OR52I2: variants seen among roughly 807,000 people sequenced by gnomAD.
The protein encoded by OR52I2 is olfactory receptor family 52 subfamily I member 2.
For synonymous variants in OR52I2, 147 were observed against 151.9 expected (o/e 0.97, Z 0.24); for missense variants, 350 against 402.4 (o/e 0.87, Z 1.11).
At chr11:4,586,997 G>A (rs1232526805) in exon 2 of OR52I2, 7 of 1,614,010 alleles carry the variant, frequency 4.3e-6, no homozygotes, top group Non-Finnish European at 5.9e-6. Flanking sequence ...ATCTCACTGA[G>A]TGCCATGTAC....
exon 2 of OR52I2, chr11:4,593,245 G>A (rs1389320934): frequency 2.0e-5 from 3 of 152,302 alleles, no homozygotes; most frequent in African/African-American, 7.3e-5. Flanking sequence ...GGGGAGGGGG[G>A]GTCATCTATA....
intron 1 of OR52I2, 32 bp from the exon 2 acceptor site, chr11:4,586,840 A>G (rs1333540792): frequency 6.2e-7 from 1 of 1,614,018 alleles, no homozygotes; most frequent in Admixed American, 1.7e-5. Flanking sequence ...ACGGGATTGC[A>G]TTCTTCTCAT....
At chr11:4,588,065 T>TGAATCAGA (rs1846322206) in exon 2 of OR52I2, 1 of 586,710 alleles carries the variant, frequency 1.7e-6, no homozygotes, top group East Asian at 2.8e-5. Flanking sequence ...AACTTGTATC[T>TGAATCAGA]GAATCAGAGA....
chr11:4,584,543 AAG>A (rs1239881798), intron 1 of OR52I2, among the ~76,000 whole-genome samples: 4 of 152,310 alleles, frequency 2.6e-5, no homozygotes, highest in African/African-American at 9.6e-5. Flanking sequence ...TCAGTTTGGC[AAG>A]AGTTGTTATA....
At position 4,584,366 on chromosome 11, in the gene OR52I2, A is replaced by G. The variant is rs532855422; in HGVS notation, c.-20+2502A>G. Among the ~76,000 whole-genome samples, 207 of 152,338 alleles carry G rather than the reference A, an allele frequency of 1.4e-3. 1 individual carries two copies. Among genetic ancestry groups the G allele is most frequent in the Non-Finnish European group, 2.6e-3 (178 of 68,024 alleles). ...AGAAAAGAGATCACGTGTCCTTAACATATTCTAGTCCATTCTTGGCATCTG... is the reference window on the plus strand; with the variant it reads ...AGAAAAGAGATCACGTGTCCTTAACGTATTCTAGTCCATTCTTGGCATCTG... On this transcript the variant is annotated intron_variant, in intron 1 of 1. Transcript: ENST00000641896.
chr11:4,587,979 A>G, exon 2 of OR52I2: 1 of 851,136 alleles, frequency 1.2e-6, no homozygotes. Flanking sequence ...ATATCCTTGC[A>G]TAACTTTTCA....
chr11:4,584,097 T>C (rs1337827731), intron 1 of OR52I2, among the ~76,000 whole-genome samples: 1 of 152,124 alleles, frequency 6.6e-6, no homozygotes, highest in Non-Finnish European at 1.5e-5. Context: ...TATACAAGGG[T>C]AGGGATATGG....
At chr11:4,588,943 G>C (rs1300010302) in exon 2 of OR52I2, 1 of 152,200 alleles carries the variant, frequency 6.6e-6, no homozygotes, top group Non-Finnish European at 1.5e-5. Context: ...CATTTGTTAT[G>C]ATGCCTGGCA....
At chr11:4,585,945 A>T (rs575145901) in intron 1 of OR52I2, among the ~76,000 whole-genome samples, 10 of 152,292 alleles carry the variant, frequency 6.6e-5, no homozygotes, top group African/African-American at 2.4e-4. Flanking sequence ...TAAAGTGCCT[A>T]ACTTTCTAAA....
chr11:4,587,840 T>TTGG, exon 2 of OR52I2: 1 of 1,613,974 alleles, frequency 6.2e-7, no homozygotes, highest in African/African-American at 1.3e-5. Flanking sequence ...CATGTCCTCT[T>TTGG]TGACCATTCC....
intron 1 of OR52I2, among the ~76,000 whole-genome samples, chr11:4,585,545 A>T (rs181653464): frequency 0.041 from 6,255 of 152,258 alleles, 149 homozygotes; most frequent in Middle Eastern, 0.071. Context: ...ACATTATATG[A>T]TATGGTAACA....
intron 1 of OR52I2, among the ~76,000 whole-genome samples, chr11:4,582,917 C>T: frequency 6.6e-6 from 1 of 152,114 alleles, no homozygotes; most frequent in East Asian, 1.9e-4. Flanking sequence ...TTGATTTGTT[C>T]CTACATAGGT....
exon 2 of OR52I2, chr11:4,591,998 TG>T (rs768985411): frequency 2.0e-5 from 3 of 152,310 alleles, no homozygotes; most frequent in East Asian, 3.9e-4. Flanking sequence ...TGGCAACTCA[TG>T]GGAGGACAAG....
exon 2 of OR52I2, chr11:4,588,291 T>G (rs1208852927): frequency 5.9e-6 from 1 of 169,336 alleles, no homozygotes; most frequent in Non-Finnish European, 1.3e-5. Flanking sequence ...ACTCTATTTC[T>G]TAGTTTTTCA....
At chr11:4,586,107 A>C (rs1846298424) in intron 1 of OR52I2, among the ~76,000 whole-genome samples, 1 of 152,200 alleles carries the variant, frequency 6.6e-6, no homozygotes, top group Non-Finnish European at 1.5e-5. Context: ...AATTGAACCT[A>C]AGTAAATAGG....
At chr11:4,588,007 G>A in exon 2 of OR52I2, 1 of 699,788 alleles carries the variant, frequency 1.4e-6, no homozygotes, top group Non-Finnish European at 2.4e-6. Flanking sequence ...GCAGGAATGT[G>A]AATGAAATGT....
intron 1 of OR52I2, among the ~76,000 whole-genome samples, chr11:4,584,512 C>T (rs760714891): frequency 6.6e-6 from 1 of 152,144 alleles, no homozygotes; most frequent in African/African-American, 2.4e-5. Flanking sequence ...GTCATACTTG[C>T]CTCCACTCCT....
At chr11:4,585,907 A>G (rs933447428) in intron 1 of OR52I2, among the ~76,000 whole-genome samples, 3 of 152,216 alleles carry the variant, frequency 2.0e-5, no homozygotes, top group Non-Finnish European at 2.9e-5. Context: ...ACTTTTTAAC[A>G]TAGTACTAGC....
chr11:4,589,498 C>A (rs1846334983), exon 2 of OR52I2: 1 of 152,032 alleles, frequency 6.6e-6, no homozygotes, highest in African/African-American at 2.4e-5. Context: ...GCCAGATCAC[C>A]CCAGAATAGA....
Sources: gnomAD v4.1 joint callset for allele counts (sites outside exome capture counted in the v4.1 genomes callset) on GRCh38, gnomAD v4.1.1 for gene constraint, MANE v1.5 for transcripts, NCBI Gene and HGNC (gene_info 2026-07-23, HGNC 2026-07-21) for gene names.